Variants in TRIM58 observed in about 807,000 individuals in gnomAD.
The protein encoded by TRIM58 is tripartite motif containing 58.
Under a neutral mutation model 34.1 loss-of-function variants are expected in TRIM58, and 38 were observed. The observed-to-expected ratio is 1.12, with a 90% CI of 0.86 to 1.46. The LOEUF (loss-of-function observed/expected upper bound fraction) is 1.46, where lower values mean the gene tolerates loss of function less well. Ranked by LOEUF, TRIM58 falls within the 40% of genes most tolerant of loss-of-function variation. TRIM58 has a pLI of 0.00. For missense variants in TRIM58, 677 were observed against 642.0 expected (o/e 1.05, Z -0.59); for synonymous variants, 273 against 275.7 (o/e 0.99, Z 0.10).
intron 5 of TRIM58, among the ~76,000 whole-genome samples, chr1:247,873,987 T>G (rs59367348): frequency 0.053 from 8,082 of 151,712 alleles, 718 homozygotes; most frequent in African/African-American, 0.18. Flanking sequence ...TAGTTCACTG[T>G]AAGTGTTTAA....
At chr1:247,864,977 G>C (rs12119035) in intron 3 of TRIM58, 42 bp downstream of exon 3, 2 of 1,509,688 alleles carry the variant, frequency 1.3e-6, no homozygotes, top group Non-Finnish European at 1.8e-6. Context: ...GTGAGACTCA[G>C]GTGACAGAGA....
intron 3 of TRIM58, 104 bp from the exon 4 acceptor site, chr1:247,867,741 A>C: frequency 2.4e-6 from 3 of 1,248,670 alleles, no homozygotes; most frequent in Non-Finnish European, 3.5e-6. Context: ...TTATCTCAAT[A>C]ATGTTTTGCA....
At chr1:247,859,605 C>T (rs60952901) in intron 1 of TRIM58, among the ~76,000 whole-genome samples, 43,945 of 151,662 alleles carry the variant, frequency 0.29, 6,480 homozygotes, top group African/African-American at 0.33. Context: ...TTACTCATTG[C>T]AAGGTTTACA....
chr1:247,864,909 C>CA lies in TRIM58; in HGVS notation c.722dup (p.Arg242AlafsTer18), dbSNP rs536982082. On this transcript the variant is annotated frameshift_variant, in exon 3 of 6. Coordinates refer to ENST00000366481, the MANE Select transcript of TRIM58 (RefSeq NM_015431.4). LOFTEE classifies it high-confidence loss of function. ...GGCGGATGAGCTGCAGGAGAGGTGC[C>CA]AGCGCCCGGCCCTGGGTCTGCTGGA... is the stretch of plus-strand genomic sequence containing the variant. The CA allele has an allele frequency of 7.4e-5, 118 of 1,592,752 alleles. No individual in the cohort carries two copies. The African/African-American group carries it at 1.3e-3, about 17-fold the overall frequency.
At position 247,857,359 on chromosome 1, in the gene TRIM58, G is replaced by C; in HGVS notation, c.113G>C (p.Arg38Thr). Residue 38 changes from arginine (R) to threonine (T), a missense_variant, in exon 1 of 6, where the codon AGG becomes ACG. Arg to Thr is a moderately conservative substitution (Grantham distance 71, BLOSUM62 -1). Transcript: ENST00000366481. ...GACTGCGGCCACAGCTTCTGCCTCA[G>C]GTGCATCTCCGAGTTCTGCGAGAAG... ...SVDCGHSFCLRCISEFCEKSD... is the reference protein window; with the variant it reads ...SVDCGHSFCLTCISEFCEKSD... 1 of 1,522,690 alleles carries C rather than the reference G, an allele frequency of 6.6e-7. No individual in the cohort carries two copies. The highest frequency in any genetic ancestry group is 8.8e-7 in the Non-Finnish European group (1 of 1,133,566). The allele number at this position is 1,522,690 out of a possible 1,614,324, so 94.3% of individuals were successfully genotyped here.
intron 1 of TRIM58, 137 bp downstream of exon 1, chr1:247,857,803 C>G (rs981743689): frequency 8.7e-7 from 1 of 1,149,202 alleles, no homozygotes; most frequent in Non-Finnish European, 1.1e-6. Flanking sequence ...CCGTCCCCCC[C>G]GCCCACGCGG....
At chr1:247,860,806 T>G (rs1663774871) in intron 2 of TRIM58, 94 bp downstream of exon 2, 5 of 995,620 alleles carry the variant, frequency 5.0e-6, no homozygotes, top group East Asian at 2.5e-5. Flanking sequence ...CTCCAGCACT[T>G]TTGTTCCATC....
In TRIM58 at chr1:247,876,588, C is replaced by T; in HGVS notation, c.*99C>T. Reference sequence around the variant, plus strand: ...GTTTTAACAGATACCCCATTTAGGTCAGCACTTGATTCGTTGTTGCTGTGA... The same window carrying T: ...GTTTTAACAGATACCCCATTTAGGTTAGCACTTGATTCGTTGTTGCTGTGA... On this transcript the variant is annotated 3_prime_UTR_variant, in exon 6 of 6. Coordinates refer to ENST00000366481, the MANE Select transcript of TRIM58 (RefSeq NM_015431.4). The T allele has an allele frequency of 1.1e-6, 1 of 874,972 alleles. No homozygotes were observed. The highest frequency in any genetic ancestry group is 1.7e-6 in the Non-Finnish European group (1 of 578,942). The allele number at this position is 874,972 out of a possible 1,614,324, so 54.2% of individuals were successfully genotyped here.
Position 247,864,753 on chromosome 1 carries a change from C to G in TRIM58, c.565C>G (p.His189Asp). Residue 189 changes from histidine (H) to aspartate (D), a missense_variant, in exon 3 of 6, where the codon CAT becomes GAT. Transcript: ENST00000366481. ...RQRFRLEFEK[H>D]RGFLAQEEQR... ...GCGCTTCAGATTGGAGTTTGAGAAGCATCGTGGCTTTCTGGCCCAGGAGGA... is the reference window on the plus strand; with the variant it reads ...GCGCTTCAGATTGGAGTTTGAGAAGGATCGTGGCTTTCTGGCCCAGGAGGA... The G allele has an allele frequency of 6.2e-7, 1 of 1,614,172 alleles. No individual in the cohort carries two copies. Among genetic ancestry groups the G allele is most frequent in the Non-Finnish European group, 8.5e-7 (1 of 1,180,042 alleles).
chr1:247,876,355 C>A lies in TRIM58; in HGVS notation c.1327C>A (p.Leu443Ile), dbSNP rs1237736925. The change falls in exon 6 of 6, where the codon CTT (leucine) becomes ATT (isoleucine). Residue 443 changes from leucine (L) to isoleucine (I), a missense_variant. Transcript: ENST00000366481. ...IYTFNQLFSGLLRPYFFICDA... is the reference protein window; with the variant it reads ...IYTFNQLFSGILRPYFFICDA... Reference sequence around the variant, plus strand: ...CACATTCAACCAACTCTTCTCTGGTCTTCTTCGGCCTTACTTTTTCATCTG... The same window carrying A: ...CACATTCAACCAACTCTTCTCTGGTATTCTTCGGCCTTACTTTTTCATCTG... The A allele has an allele frequency of 6.2e-7, 1 of 1,614,184 alleles. No homozygotes were observed. Among genetic ancestry groups the A allele is most frequent in the South Asian group, 1.1e-5 (1 of 91,082 alleles).
chr1:247,876,069 C>G lies in TRIM58; in HGVS notation c.1041C>G (p.Tyr347Ter), dbSNP rs954944437. The G allele has an allele frequency of 1.9e-6, 3 of 1,614,186 alleles. No homozygotes were observed. Among genetic ancestry groups the G allele is most frequent in the South Asian group, 2.2e-5 (2 of 91,082 alleles). ...AGAGCTTCTCATCAGGGAGGCATTACTGGGAGGTTCTGGTGGGAGAAGGAG... is the reference window on the plus strand; with the variant it reads ...AGAGCTTCTCATCAGGGAGGCATTAGTGGGAGGTTCTGGTGGGAGAAGGAG... The part of the protein sequence containing the change: ...GLQSFSSGRH[Y>*]WEVLVGEGAE... Residue 347 changes from tyrosine (Y) to a stop codon, truncating the protein, a stop_gained, in exon 6 of 6, where the codon TAC becomes TAG. Coordinates refer to ENST00000366481, the MANE Select transcript of TRIM58 (RefSeq NM_015431.4). LOFTEE classifies it low-confidence loss of function (END_TRUNC).
At position 247,878,501 on chromosome 1, in the gene TRIM58, C is replaced by T. The variant is rs1659340903; in HGVS notation, c.*2012C>T. ...AGATTTGCAAACAGAGGAAATAACG[C>T]ATCCTCGTGTCCCTCTTCTTGGTGT... On this transcript the variant is annotated 3_prime_UTR_variant, in exon 6 of 6. Coordinates refer to ENST00000366481, the MANE Select transcript of TRIM58 (RefSeq NM_015431.4). 6.6e-6 allele frequency among the ~76,000 whole-genome samples: 1 copy of T among 152,208 alleles called. No homozygotes were observed. The highest frequency in any genetic ancestry group is 1.5e-5 in the Non-Finnish European group (1 of 68,040).
chr1:247,857,650 C>T lies in TRIM58; in HGVS notation c.404C>T (p.Ala135Val). The change falls in exon 1 of 6, where the codon GCC (alanine) becomes GTC (valine). Residue 135 changes from alanine to valine, a missense_variant. Ala to Val is a moderately conservative substitution (Grantham distance 64). Coordinates refer to ENST00000366481, the MANE Select transcript of TRIM58 (RefSeq NM_015431.4). Reference protein sequence around the residue: ...RTHRTAPLQEAAGSYQVKLQM... With the variant: ...RTHRTAPLQEVAGSYQVKLQM... ...CACCGCACGGCGCCGCTGCAGGAGG[C>T]CGCCGGCAGCTACCAGGTGAGGCGC... 7 of 1,233,124 alleles carry T rather than the reference C, an allele frequency of 5.7e-6. No homozygotes were observed. The highest frequency in any genetic ancestry group is 3.5e-5 in the South Asian group (1 of 28,516). The allele number at this position is 1,233,124 out of a possible 1,614,324, so 76.4% of individuals were successfully genotyped here. A position where few individuals can be genotyped will look rare whatever the true frequency, so the allele number is the denominator to read the frequency against.
rs2103337546 is a variant in TRIM58 at position 247,876,394 on chromosome 1, C to G, written c.1366C>G (p.Leu456Val). Reference sequence around the variant, plus strand: ...CTTTTTCATCTGTGATGCAACTCCTCTTATCTTGCCACCCACAACAATAGC... The same window carrying G: ...CTTTTTCATCTGTGATGCAACTCCTGTTATCTTGCCACCCACAACAATAGC... ...PYFFICDATP[L>V]ILPPTTIAGS... Residue 456 changes from leucine (L) to valine (V), a missense_variant, in exon 6 of 6, where the codon CTT becomes GTT. By Grantham distance (32) the Leu-to-Val change is conservative. Transcript: ENST00000366481. The G allele has an allele frequency of 6.2e-7, 1 of 1,614,190 alleles. No homozygotes were observed. The highest frequency in any genetic ancestry group is 2.2e-5 in the East Asian group (1 of 44,880).
At chr1:247,871,927 C>G (rs1166397341) in intron 5 of TRIM58, among the ~76,000 whole-genome samples, 2 of 152,066 alleles carry the variant, frequency 1.3e-5, no homozygotes, top group Admixed American at 1.3e-4. Flanking sequence ...CAGGAAAGAC[C>G]CCGCCCTGCA....
At chr1:247,863,409 G>T (rs149567251) in intron 2 of TRIM58, among the ~76,000 whole-genome samples, 1 of 151,916 alleles carries the variant, frequency 6.6e-6, no homozygotes, top group Non-Finnish European at 1.5e-5. Context: ...ATGGTGCTGC[G>T]TGCCTGTAAT....
chr1:247,862,349 A>G (rs921295050), intron 2 of TRIM58, among the ~76,000 whole-genome samples: 6 of 152,348 alleles, frequency 3.9e-5, no homozygotes, highest in Non-Finnish European at 7.3e-5. Context: ...TAGTAGTGAC[A>G]GTATAAGATG....
intron 2 of TRIM58, among the ~76,000 whole-genome samples, chr1:247,862,078 A>T (rs939544304): frequency 6.6e-6 from 1 of 152,200 alleles, no homozygotes; most frequent in African/African-American, 2.4e-5. Context: ...TGGTGAGCTG[A>T]GATCGTGCCA....
In TRIM58 at chr1:247,876,309, C is replaced by T. The variant is rs145971051; in HGVS notation, c.1281C>T (p.Val427=). The T allele has an allele frequency of 9.9e-6, 16 of 1,614,086 alleles. 1 individual carries two copies. In the African/African-American group the frequency reaches 2.0e-4, roughly 20 times the overall value. Residue 427 remains valine, a synonymous_variant, in exon 6 of 6, where the codon GTC becomes GTT. Coordinates refer to ENST00000366481, the MANE Select transcript of TRIM58 (RefSeq NM_015431.4). ...YEAGEISFYN[V]TDGSYIYTFN... ...CCGGTGAAATTTCATTCTACAATGTCACAGATGGATCTTATATCTACACAT... is the reference window on the plus strand; with the variant it reads ...CCGGTGAAATTTCATTCTACAATGTTACAGATGGATCTTATATCTACACAT...
Sources: gnomAD v4.1 joint callset for allele counts (sites outside exome capture counted in the v4.1 genomes callset) on GRCh38, gnomAD v4.1.1 for gene constraint, MANE v1.5 for transcripts, NCBI Gene and HGNC (gene_info 2026-07-23, HGNC 2026-07-21) for gene names.